MARCHF1: variants seen among roughly 807,000 people sequenced by gnomAD.
The protein encoded by MARCHF1 is membrane associated ring-CH-type finger 1.
Under a neutral mutation model 54.2 loss-of-function variants are expected in MARCHF1, and 40 were observed. The observed-to-expected ratio is 0.74, with a 90% CI of 0.57 to 0.96. The LOEUF (loss-of-function observed/expected upper bound fraction) is 0.96, where lower values mean the gene tolerates loss of function less well. Among genes scored for constraint, MARCHF1 ranks in the 40% least tolerant of loss-of-function variants. MARCHF1 has a pLI of 0.00. For missense variants in MARCHF1, 586 were observed against 656.5 expected (o/e 0.89, Z 1.17); for synonymous variants, 236 against 236.3 (o/e 1.00, Z 0.01).
At chr4:163,533,774 T>G (rs1222153163) in intron 9 of MARCHF1, among the ~76,000 whole-genome samples, 1 of 151,128 alleles carries the variant, frequency 6.6e-6, no homozygotes, top group East Asian at 1.9e-4. Context: ...ATAGAATTTC[T>G]TCGAGTAAGA....
At chr4:163,875,983 A>G (rs553781685) in intron 3 of MARCHF1, among the ~76,000 whole-genome samples, 1 of 152,290 alleles carries the variant, frequency 6.6e-6, no homozygotes, top group Non-Finnish European at 1.5e-5. Context: ...ACATAAGGAC[A>G]TATATATTGA....
At chr4:164,015,852 T>C (rs1157041020) in intron 2 of MARCHF1, among the ~76,000 whole-genome samples, 2 of 151,126 alleles carry the variant, frequency 1.3e-5, no homozygotes, top group African/African-American at 4.9e-5. Context: ...TTGGTAAAAA[T>C]GTAAGTTACC....
At chr4:163,808,595 G>A (rs548546281) in intron 4 of MARCHF1, among the ~76,000 whole-genome samples, 5 of 152,254 alleles carry the variant, frequency 3.3e-5, no homozygotes, top group Admixed American at 1.3e-4. Flanking sequence ...TTGAGACAGA[G>A]TCTCCCTTTG....
chr4:164,309,283 T>TGCGC (rs1554000355), intron 1 of MARCHF1, among the ~76,000 whole-genome samples: 3 of 149,086 alleles, frequency 2.0e-5, no homozygotes, highest in East Asian at 4.0e-4. Context: ...TGTGTGTGTG[T>TGCGC]GCGCGTGTGT....
At chr4:164,159,875 C>T (rs1290438320) in intron 1 of MARCHF1, among the ~76,000 whole-genome samples, 1 of 152,198 alleles carries the variant, frequency 6.6e-6, no homozygotes, top group Non-Finnish European at 1.5e-5. Flanking sequence ...TTCTCTGGAC[C>T]TCATTCTTCA....
intron 1 of MARCHF1, among the ~76,000 whole-genome samples, chr4:164,125,766 C>T (rs1200000312): frequency 2.6e-5 from 4 of 152,170 alleles, no homozygotes; most frequent in Non-Finnish European, 4.4e-5. Context: ...GTCTGAGCTC[C>T]GCCTCCTGTC....
At chr4:163,690,630 A>G (rs1744416651) in intron 5 of MARCHF1, among the ~76,000 whole-genome samples, 1 of 152,234 alleles carries the variant, frequency 6.6e-6, no homozygotes, top group Non-Finnish European at 1.5e-5. Context: ...AGAAACCAGC[A>G]AATAAATAAA....
chr4:163,817,782 TA>T (rs1390082858), intron 4 of MARCHF1, among the ~76,000 whole-genome samples: 2 of 151,588 alleles, frequency 1.3e-5, no homozygotes, highest in Admixed American at 1.3e-4. Context: ...TATGCAGCCA[TA>T]AAAAAGGATG....
rs561920164 is a variant in MARCHF1, at chr4:164,099,167, T to C, written c.-248+12421A>G. ...AACAAACAGTCTGACTTGTATGGGG[T>C]GCTTAATCCACAGGAGACCCAGAGA... On this transcript the variant is annotated intron_variant, in intron 2 of 9. Transcript: ENST00000514618. 5.3e-5 allele frequency among the ~76,000 whole-genome samples: 8 copies of C among 152,256 alleles called. No individual in the cohort carries two copies. The East Asian group carries it at 1.4e-3, about 26-fold the overall frequency.
chr4:164,324,179 G>T (rs529018451), intron 1 of MARCHF1, among the ~76,000 whole-genome samples: 1 of 151,844 alleles, frequency 6.6e-6, no homozygotes, highest in East Asian at 1.9e-4. Flanking sequence ...AACAGAGGAA[G>T]AAAATCATAC....
chr4:164,012,598 A>G (rs1753446941), intron 2 of MARCHF1, among the ~76,000 whole-genome samples: 1 of 151,818 alleles, frequency 6.6e-6, no homozygotes, highest in Admixed American at 6.6e-5. Context: ...GCTGCTCTGT[A>G]AAAATTTGGA....
At chr4:163,577,148 A>G (rs1740067360) in intron 8 of MARCHF1, among the ~76,000 whole-genome samples, 2 of 151,836 alleles carry the variant, frequency 1.3e-5, no homozygotes, top group African/African-American at 4.8e-5. Context: ...TGGTTGCTTT[A>G]TAGGGTCTGT....
chr4:164,280,126 TTAAG>T (rs1185428318), intron 1 of MARCHF1, among the ~76,000 whole-genome samples: 1 of 151,984 alleles, frequency 6.6e-6, no homozygotes, highest in Non-Finnish European at 1.5e-5. Flanking sequence ...ACTGGTTATA[TTAAG>T]TGAGATATTT....
chr4:164,081,851 G>T (rs1029833398), intron 2 of MARCHF1, among the ~76,000 whole-genome samples: 3 of 151,908 alleles, frequency 2.0e-5, no homozygotes, highest in African/African-American at 7.3e-5. Context: ...TCCCTATATG[G>T]GCGCACTTTA....
intron 1 of MARCHF1, among the ~76,000 whole-genome samples, chr4:164,195,217 G>C (rs1248895349): frequency 6.6e-6 from 1 of 151,760 alleles, no homozygotes; most frequent in Admixed American, 6.6e-5. Flanking sequence ...CTCTCTACAA[G>C]ACCTAGAAAA....
chr4:163,784,548 ACAATTTATC>A (rs1434171523), intron 4 of MARCHF1, among the ~76,000 whole-genome samples: 1 of 152,138 alleles, frequency 6.6e-6, no homozygotes, highest in Non-Finnish European at 1.5e-5. Flanking sequence ...GAGCACCAGG[ACAATTTATC>A]CAAGTCAGAG....
chr4:163,712,531 T>C (rs1330469674), intron 4 of MARCHF1, among the ~76,000 whole-genome samples: 1 of 152,218 alleles, frequency 6.6e-6, no homozygotes, highest in Non-Finnish European at 1.5e-5. Flanking sequence ...AGGTCGTTAC[T>C]TCAAACCTTT....
intron 8 of MARCHF1, among the ~76,000 whole-genome samples, chr4:163,553,100 G>A (rs570513417): frequency 2.0e-5 from 3 of 151,302 alleles, no homozygotes; most frequent in African/African-American, 7.3e-5. Flanking sequence ...ACTAAGTACT[G>A]TGTGACCTTG....
intron 3 of MARCHF1, among the ~76,000 whole-genome samples, chr4:163,935,677 A>G (rs1270592355): frequency 1.3e-5 from 2 of 150,240 alleles, no homozygotes; most frequent in Non-Finnish European, 3.0e-5. Flanking sequence ...CTCCATATCA[A>G]CAACAAGGCT....
Sources: allele counts gnomAD v4.1 joint callset (sites outside exome capture counted in the v4.1 genomes callset), GRCh38; gene constraint gnomAD v4.1.1; transcripts MANE v1.5; gene names NCBI Gene and HGNC (gene_info 2026-07-23, HGNC 2026-07-21).